ATF7IP: variants seen among roughly 807,000 people sequenced by gnomAD.
ATF7IP encodes activating transcription factor 7 interacting protein.
ATF7IP carries 23 observed loss-of-function variants against 106.4 expected under a neutral mutation model. The ratio of observed to expected loss-of-function variants is 0.22; its 90% CI spans 0.16 to 0.31. The LOEUF is 0.31. ATF7IP is among the 10% of genes least tolerant of loss of function. The pLI, the probability that ATF7IP is intolerant of heterozygous loss-of-function variation, is 1.00. For missense variants in ATF7IP, 1,334 were observed against 1,524.3 expected (o/e 0.88, Z 2.08); for synonymous variants, 542 against 539.0 (o/e 1.01, Z -0.08).
At position 14,424,303 on chromosome 12, in the gene ATF7IP, G is replaced by T; in HGVS notation, c.388G>T (p.Val130Phe). Reference sequence around the variant, plus strand: ...AGTCTCTAAACTGCCTGCTGAACCAGTTTCTGGTGATCCAGCCCCTGGTGA... The same window carrying T: ...AGTCTCTAAACTGCCTGCTGAACCATTTTCTGGTGATCCAGCCCCTGGTGA... ...EPVSKLPAEP[V>F]SGDPAPGDLD... is the part of the protein sequence containing the mutation. Residue 130 changes from valine (V) to phenylalanine (F), a missense_variant, in exon 2 of 15, where the codon GTT (valine) becomes TTT (phenylalanine). By Grantham distance (50) the Val-to-Phe change is conservative. This residue lies in a region of ATF7IP where 438 missense variants were observed against 405.3 expected (regional missense o/e 1.08). Coordinates refer to ENST00000261168, the MANE Select transcript of ATF7IP (RefSeq NM_018179.5). 6.2e-7 allele frequency: 1 copy of T among 1,614,218 alleles called. No homozygotes were observed. The highest frequency in any genetic ancestry group is 2.2e-5 in the East Asian group (1 of 44,886).
intron 1 of ATF7IP, among the ~76,000 whole-genome samples, chr12:14,409,999 C>A (rs1003428088): frequency 2.0e-5 from 3 of 152,020 alleles, no homozygotes; most frequent in Non-Finnish European, 4.4e-5. Context: ...TATTCACAGT[C>A]GCATAATCAC....
At chr12:14,416,399 AATGCCTTTGTC>A (rs145395151) in intron 1 of ATF7IP, among the ~76,000 whole-genome samples, 2,103 of 152,296 alleles carry the variant, frequency 0.014, 62 homozygotes, top group African/African-American at 0.048. Context: ...ATATAATTGG[AATGCCTTTGTC>A]AAAGATAGAA....
At chr12:14,435,027 C>G (rs1942334063) in intron 3 of ATF7IP, among the ~76,000 whole-genome samples, 2 of 151,468 alleles carry the variant, frequency 1.3e-5, no homozygotes, top group Non-Finnish European at 2.9e-5. Context: ...ATTTGAGGTT[C>G]CAGTGAGCAA....
chr12:14,494,332 T>TATATATATTC (rs1158646205), intron 13 of ATF7IP, among the ~76,000 whole-genome samples: 26 of 115,762 alleles, frequency 2.2e-4, no homozygotes, highest in Non-Finnish European at 2.9e-4. Flanking sequence ...TATATATATA[T>TATATATATTC]ATGTGTGTGT....
intron 14 of ATF7IP, 130 bp from the exon 15 acceptor site, chr12:14,497,524 A>C: frequency 1.0e-6 from 1 of 953,642 alleles, no homozygotes; most frequent in Non-Finnish European, 1.5e-6. Context: ...TTGATATGGT[A>C]TTTGGTATTT....
intron 13 of ATF7IP, among the ~76,000 whole-genome samples, chr12:14,490,700 G>T (rs557663276): frequency 1.3e-4 from 20 of 152,150 alleles, no homozygotes; most frequent in African/African-American, 4.6e-4. Context: ...GAGGCCATTG[G>T]TGCAGGCTGG....
At chr12:14,450,430 C>G (rs1286075175) in intron 6 of ATF7IP, among the ~76,000 whole-genome samples, 1 of 152,068 alleles carries the variant, frequency 6.6e-6, no homozygotes, top group East Asian at 1.9e-4. Context: ...TTAAGATGAT[C>G]ATGTGGGTTT....
intron 8 of ATF7IP, among the ~76,000 whole-genome samples, chr12:14,459,694 C>T (rs944785373): frequency 6.6e-6 from 1 of 152,232 alleles, no homozygotes; most frequent in Admixed American, 6.5e-5. Flanking sequence ...CTTTGAGAAA[C>T]TGCTGCTCTA....
intron 1 of ATF7IP, among the ~76,000 whole-genome samples, chr12:14,376,040 T>C (rs1938723071): frequency 1.3e-5 from 2 of 152,170 alleles, no homozygotes; most frequent in African/African-American, 4.8e-5. Flanking sequence ...GACTGACTCA[T>C]TAAAAAACAA....
intron 1 of ATF7IP, among the ~76,000 whole-genome samples, chr12:14,404,635 TCTTA>T (rs1940453035): frequency 1.3e-5 from 2 of 152,224 alleles, no homozygotes; most frequent in African/African-American, 4.8e-5. Context: ...CATTGGTCTC[TCTTA>T]CTGTTACATA....
intron 2 of ATF7IP, among the ~76,000 whole-genome samples, chr12:14,426,856 G>A (rs1206921053): frequency 7.7e-6 from 1 of 130,558 alleles, no homozygotes; most frequent in Non-Finnish European, 1.7e-5. Flanking sequence ...AAAAAGGATG[G>A]CTTTTTATTT....
chr12:14,423,190 G>A (rs188254366), intron 1 of ATF7IP, among the ~76,000 whole-genome samples: 34 of 152,100 alleles, frequency 2.2e-4, no homozygotes, highest in East Asian at 2.1e-3. Flanking sequence ...TTCTGGAAAT[G>A]TCTGTTCAAG....
intron 1 of ATF7IP, among the ~76,000 whole-genome samples, chr12:14,387,738 C>T (rs2136425579): frequency 6.6e-6 from 1 of 152,208 alleles, no homozygotes; most frequent in Middle Eastern, 3.4e-3. Flanking sequence ...ATTTTCTGTT[C>T]CAAGTTCCAG....
At chr12:14,417,175 C>T (rs1222155329) in intron 1 of ATF7IP, among the ~76,000 whole-genome samples, 1 of 152,068 alleles carries the variant, frequency 6.6e-6, no homozygotes, top group Non-Finnish European at 1.5e-5. Flanking sequence ...GTAATCCACA[C>T]ATTTGTTTTA....
intron 1 of ATF7IP, among the ~76,000 whole-genome samples, chr12:14,409,355 A>C (rs1940781963): frequency 6.6e-6 from 1 of 152,128 alleles, no homozygotes; most frequent in South Asian, 2.1e-4. Context: ...ATTTAAAAAC[A>C]TTTATCATCA....
intron 3 of ATF7IP, among the ~76,000 whole-genome samples, 166 bp downstream of exon 3, chr12:14,434,589 A>G (rs1387995892): frequency 1.3e-5 from 2 of 152,226 alleles, no homozygotes; most frequent in East Asian, 1.9e-4. Flanking sequence ...TTCTGAAAGT[A>G]TGTTTCATAC....
chr12:14,402,509 T>C (rs1421374284), intron 1 of ATF7IP, among the ~76,000 whole-genome samples: 2 of 152,046 alleles, frequency 1.3e-5, no homozygotes, highest in African/African-American at 4.8e-5. Flanking sequence ...CCAGGAAGAA[T>C]TGATTTTTTT....
chr12:14,493,524 G>A (rs1944898460), intron 13 of ATF7IP, among the ~76,000 whole-genome samples: 1 of 152,154 alleles, frequency 6.6e-6, no homozygotes, highest in Admixed American at 6.6e-5. Context: ...AGTTGGAAAG[G>A]CTGATGGCAG....
At position 14,423,903 on chromosome 12, in the gene ATF7IP, T is replaced by G; in HGVS notation, c.-7-6T>G. 4 of 1,559,768 alleles carry G rather than the reference T, an allele frequency of 2.6e-6. No homozygotes were observed. The highest frequency in any genetic ancestry group is 2.6e-6 in the Non-Finnish European group (3 of 1,158,634). On this transcript the variant is annotated splice_polypyrimidine_tract_variant and splice_region_variant and intron_variant, in intron 1 of 14. Transcript: ENST00000261168. The stretch of plus-strand genomic sequence containing the variant: ...TATTAAACTCTCTTTCTCTTTTTTC[T>G]TAAAGATTCAGAATGGACAGTTTAG...
Sources: gnomAD v4.1 joint callset for allele counts (sites outside exome capture counted in the v4.1 genomes callset) on GRCh38, gnomAD v4.1.1 for gene constraint, gnomAD v4.1.1 regional missense constraint, MANE v1.5 for transcripts, NCBI Gene and HGNC (gene_info 2026-07-23, HGNC 2026-07-21) for gene names.